Variants in RALGAPA2 observed in about 807,000 individuals in gnomAD.
RALGAPA2 encodes the protein ral GTPase-activating protein subunit alpha-2.
RALGAPA2 carries 139 observed loss-of-function variants against 230.4 expected under a neutral mutation model. That is an observed-to-expected ratio of 0.60 (90% confidence interval 0.53 to 0.69). RALGAPA2 has a LOEUF of 0.69. RALGAPA2 is among the 30% of genes least tolerant of loss of function. The pLI is 0.00. For missense variants in RALGAPA2, 2,163 were observed against 2,276.0 expected (o/e 0.95, Z 1.01); for synonymous variants, 847 against 837.8 (o/e 1.01, Z -0.19).
intron 23 of RALGAPA2, among the ~76,000 whole-genome samples, chr20:20,569,724 C>T (rs2064563008): frequency 6.6e-6 from 1 of 152,020 alleles, no homozygotes; most frequent in Non-Finnish European, 1.5e-5. Flanking sequence ...ATTTCCACAT[C>T]AACACATCTT....
At chr20:20,643,726 C>T (rs1397552219) in intron 4 of RALGAPA2, among the ~76,000 whole-genome samples, 177 bp from the exon 5 acceptor site, 2 of 152,202 alleles carry the variant, frequency 1.3e-5, no homozygotes, top group East Asian at 3.9e-4. Flanking sequence ...ATAAAAGTAC[C>T]TTAAGTATGT....
chr20:20,467,551 G>C (rs2061445564), intron 37 of RALGAPA2, among the ~76,000 whole-genome samples: 1 of 152,086 alleles, frequency 6.6e-6, no homozygotes, highest in Non-Finnish European at 1.5e-5. Flanking sequence ...CTGGAGCTTA[G>C]GTGCAAGAGC....
intron 23 of RALGAPA2, among the ~76,000 whole-genome samples, chr20:20,553,684 C>G (rs1018805032): frequency 6.6e-6 from 1 of 152,152 alleles, no homozygotes; most frequent in Admixed American, 6.5e-5. Flanking sequence ...ACTCCTGAGG[C>G]CACAGGAGCT....
rs756836173 is a variant in RALGAPA2, at chr20:20,536,790, C to T, written c.3286-6G>A. The T allele has an allele frequency of 2.2e-5, 36 of 1,610,038 alleles. No individual in the cohort carries two copies. The highest frequency in any genetic ancestry group is 3.0e-5 in the Non-Finnish European group (35 of 1,177,486). ...ACAGCCTCTGAACGAGGCGCCTGCA[C>T]ATAAGGAAGAGGAGCACACACATTT... On this transcript the variant is annotated splice_polypyrimidine_tract_variant and splice_region_variant and intron_variant, in intron 24 of 39. Transcript: ENST00000202677.
At chr20:20,522,416 T>C (rs1182840685) in intron 30 of RALGAPA2, among the ~76,000 whole-genome samples, 1 of 152,184 alleles carries the variant, frequency 6.6e-6, no homozygotes, top group African/African-American at 2.4e-5. Flanking sequence ...ACGGTTTGAA[T>C]AAATCACTCA....
intron 35 of RALGAPA2, among the ~76,000 whole-genome samples, chr20:20,496,968 C>T (rs1174620757): frequency 6.6e-6 from 1 of 152,206 alleles, no homozygotes; most frequent in Non-Finnish European, 1.5e-5. Context: ...ACAAATGCAA[C>T]TGCGGGTGCT....
chr20:20,499,023 C>A (rs1053502304), intron 35 of RALGAPA2, among the ~76,000 whole-genome samples: 1 of 152,132 alleles, frequency 6.6e-6, no homozygotes. Flanking sequence ...AAAAGTCCCC[C>A]CATGATGGGG....
intron 26 of RALGAPA2, among the ~76,000 whole-genome samples, chr20:20,534,911 G>A (rs2063461099): frequency 6.6e-6 from 1 of 152,174 alleles, no homozygotes; most frequent in Non-Finnish European, 1.5e-5. Flanking sequence ...AAAACGCAAT[G>A]TTAGCTTAAT....
intron 23 of RALGAPA2, among the ~76,000 whole-genome samples, chr20:20,549,226 G>A (rs888305528): frequency 4.6e-5 from 7 of 152,158 alleles, no homozygotes; most frequent in Non-Finnish European, 8.8e-5. Context: ...ATTTTGCATT[G>A]TAAGATTTGT....
intron 23 of RALGAPA2, among the ~76,000 whole-genome samples, chr20:20,568,311 G>A (rs1568588914): frequency 6.6e-6 from 1 of 152,126 alleles, no homozygotes; most frequent in Non-Finnish European, 1.5e-5. Context: ...TGTACCGGGG[G>A]AAATACTACT....
chr20:20,510,523 T>C (rs1287643562), intron 33 of RALGAPA2, among the ~76,000 whole-genome samples: 1 of 150,682 alleles, frequency 6.6e-6, no homozygotes, highest in East Asian at 2.0e-4. Context: ...GGAATAAAAG[T>C]GGTGTTTTTT....
chr20:20,709,807 C>T lies in RALGAPA2; in HGVS notation c.106+2568G>A, dbSNP rs1166109037. On this transcript the variant is annotated intron_variant, in intron 1 of 39. Coordinates refer to ENST00000202677, the MANE Select transcript of RALGAPA2 (RefSeq NM_020343.4). ...CTTCCACAGCTAATTTTATGTTTCT[C>T]ACCCAGTTGTTTTAAATACAGACTA... Among the ~76,000 whole-genome samples the T allele has an allele frequency of 2.0e-5, 3 of 152,184 alleles. No individual in the cohort carries two copies. The East Asian group carries it at 5.8e-4, about 29-fold the overall frequency.
At chr20:20,490,385 A>G (rs1041775681) in intron 36 of RALGAPA2, among the ~76,000 whole-genome samples, 7 of 152,200 alleles carry the variant, frequency 4.6e-5, no homozygotes, top group African/African-American at 1.7e-4. Flanking sequence ...AATTATCCAA[A>G]CAGAACATAA....
chr20:20,685,571 C>T (rs1367892576), intron 1 of RALGAPA2, among the ~76,000 whole-genome samples: 1 of 152,276 alleles, frequency 6.6e-6, no homozygotes, highest in Admixed American at 6.5e-5. Context: ...CAACAGAACC[C>T]CTGCTCTGGT....
intron 21 of RALGAPA2, 68 bp downstream of exon 21, chr20:20,572,807 C>A (rs2064688602): frequency 4.6e-6 from 6 of 1,295,250 alleles, no homozygotes; most frequent in Middle Eastern, 2.8e-4. Context: ...AACTGAAACA[C>A]AGTTTTTACA....
chr20:20,517,102 G>C (rs984493813), intron 31 of RALGAPA2, among the ~76,000 whole-genome samples: 1 of 152,142 alleles, frequency 6.6e-6, no homozygotes, highest in African/African-American at 2.4e-5. Flanking sequence ...CAGCATGAAT[G>C]TACCTACAGA....
In RALGAPA2 at chr20:20,653,195, CAAAAAAAAAAAAAA is replaced by C. The variant is rs60906434; in HGVS notation, c.328+321_328+334del. On this transcript the variant is annotated intron_variant, in intron 4 of 39. Coordinates refer to ENST00000202677, the MANE Select transcript of RALGAPA2 (RefSeq NM_020343.4). ...TAGGCGACAGAGCAAGACTCCATCTCAAAAAAAAAAAAAAAAAAAAAAAAAAAAAATACACACTA... is the reference window on the plus strand; with the variant it reads ...TAGGCGACAGAGCAAGACTCCATCTCAAAAAAAAAAAAAAAATACACACTA... 2.2e-3 allele frequency among the ~76,000 whole-genome samples: 60 copies of C among 27,532 alleles called. 2 individuals are homozygous for C. The East Asian group carries it at 0.045, about 20-fold the overall frequency. The allele number at this position is 27,532 out of a possible 152,430, so 18.1% of individuals were successfully genotyped here. A position where few individuals can be genotyped will look rare whatever the true frequency, so the allele number is the denominator to read the frequency against.
At chr20:20,461,131 ATGT>A (rs780625803) in intron 37 of RALGAPA2, among the ~76,000 whole-genome samples, 3 of 152,220 alleles carry the variant, frequency 2.0e-5, no homozygotes, top group Non-Finnish European at 4.4e-5. Flanking sequence ...AATAATTTAG[ATGT>A]TGTTTTCTGA....
At chr20:20,651,477 T>C (rs1463893380) in intron 4 of RALGAPA2, among the ~76,000 whole-genome samples, 2 of 152,230 alleles carry the variant, frequency 1.3e-5, no homozygotes, top group African/African-American at 4.8e-5. Flanking sequence ...TGCTATTAGA[T>C]GGCTCAGGAA....
Sources: allele counts gnomAD v4.1 joint callset (sites outside exome capture counted in the v4.1 genomes callset), GRCh38; gene constraint gnomAD v4.1.1; transcripts MANE v1.5; gene names NCBI Gene and HGNC (gene_info 2026-07-23, HGNC 2026-07-21).